SH3KBP1: variants seen among roughly 807,000 people sequenced by gnomAD.
The protein encoded by SH3KBP1 is SH3 domain-containing kinase-binding protein 1.
In SH3KBP1, 8 loss-of-function variants were observed where a neutral mutation model predicts 50.1. That is an observed-to-expected ratio of 0.16 (90% CI 0.09 to 0.29). The LOEUF (loss-of-function observed/expected upper bound fraction) is 0.29, where lower values mean the gene tolerates loss of function less well. SH3KBP1 is among the 10% of genes least tolerant of loss of function. The pLI is 1.00. For missense variants in SH3KBP1, 377 were observed against 535.2 expected (o/e 0.70, Z 2.92); for synonymous variants, 227 against 218.6 (o/e 1.04, Z -0.34).
chrX:19,708,805 T>G (rs763528692), intron 3 of SH3KBP1, among the ~76,000 whole-genome samples: 3 of 111,824 alleles, frequency 2.7e-5, no homozygotes, highest in Non-Finnish European at 5.6e-5. Flanking sequence ...AAGCAAACTC[T>G]GCAGACACAA....
chrX:19,543,137 A>T (rs2064980975), intron 15 of SH3KBP1, among the ~76,000 whole-genome samples: 1 of 111,492 alleles, frequency 9.0e-6, no homozygotes. Flanking sequence ...TGCTGGGGGC[A>T]GGAGTGGGCC....
intron 4 of SH3KBP1, among the ~76,000 whole-genome samples, chrX:19,696,503 G>A (rs1180491964): frequency 9.0e-6 from 1 of 111,558 alleles, no homozygotes; most frequent in African/African-American, 3.3e-5. Context: ...TAGGTAGGTA[G>A]GAAGGGCAGC....
chrX:19,794,030 T>C (rs753278719), intron 2 of SH3KBP1, among the ~76,000 whole-genome samples: 19 of 110,303 alleles, frequency 1.7e-4, no homozygotes, highest in Non-Finnish European at 3.6e-4. Context: ...GTGATGTCAA[T>C]GTTAATGCGA....
intron 1 of SH3KBP1, among the ~76,000 whole-genome samples, chrX:19,850,687 T>C (rs779988571): frequency 2.7e-5 from 3 of 111,298 alleles, no homozygotes; most frequent in Admixed American, 9.6e-5. Context: ...TCTGTAAGAA[T>C]TGCGTGCTGA....
intron 1 of SH3KBP1, among the ~76,000 whole-genome samples, chrX:19,847,386 C>A (rs1198668919): frequency 9.0e-6 from 1 of 111,443 alleles, no homozygotes. Flanking sequence ...TGCTTGGCCC[C>A]GTCAGGCACT....
chrX:19,878,646 C>T (rs2069338055), intron 1 of SH3KBP1, among the ~76,000 whole-genome samples: 1 of 110,581 alleles, frequency 9.0e-6, no homozygotes, highest in Non-Finnish European at 1.9e-5. Context: ...CTTGGGCTTC[C>T]AAGTGTTCTC....
intron 2 of SH3KBP1, among the ~76,000 whole-genome samples, chrX:19,825,070 A>G (rs2067636247): frequency 8.9e-6 from 1 of 112,300 alleles, no homozygotes; most frequent in Admixed American, 9.5e-5. Context: ...TTGGATAGTC[A>G]CACATCTTGA....
chrX:19,598,981 T>C lies in SH3KBP1; in HGVS notation c.1006-3981A>G, dbSNP rs781419625. Among the ~76,000 whole-genome samples the C allele has an allele frequency of 4.5e-5, 5 of 112,335 alleles. No individual in the cohort carries two copies. In the South Asian group the frequency reaches 1.8e-3, roughly 41 times the overall value. On this transcript the variant is annotated intron_variant, in intron 9 of 17. Transcript: ENST00000397821. ...CTCCACATAGGGTTACCACAACCAT[T>C]GAATTTGTAAAAAACGCAATATCTG...
chrX:19,880,195 C>T (rs1416297625), intron 1 of SH3KBP1, among the ~76,000 whole-genome samples: 1 of 113,156 alleles, frequency 8.8e-6, no homozygotes, highest in Non-Finnish European at 1.9e-5. Context: ...TCACCCTTCT[C>T]ACCCACTACA....
At chrX:19,848,546 C>A (rs2068421258) in intron 1 of SH3KBP1, among the ~76,000 whole-genome samples, 1 of 112,168 alleles carries the variant, frequency 8.9e-6, no homozygotes, top group African/African-American at 3.2e-5. Context: ...TGCTAGGGAG[C>A]CAACTCATTG....
At chrX:19,618,299 G>A (rs2067680416) in intron 8 of SH3KBP1, among the ~76,000 whole-genome samples, 3 of 103,559 alleles carry the variant, frequency 2.9e-5, no homozygotes, top group South Asian at 4.4e-4. Context: ...TAGGAGAATC[G>A]CTTGAACCCA....
chrX:19,876,379 A>G (rs765554879), intron 1 of SH3KBP1, among the ~76,000 whole-genome samples: 15 of 110,546 alleles, frequency 1.4e-4, no homozygotes, highest in Non-Finnish European at 2.3e-4. Flanking sequence ...AAACAAACAA[A>G]CAAAAAAAAC....
intron 13 of SH3KBP1, among the ~76,000 whole-genome samples, chrX:19,561,052 C>G (rs1367444052): frequency 1.3e-5 from 1 of 79,853 alleles, no homozygotes; most frequent in Non-Finnish European, 2.3e-5. Flanking sequence ...CCAGCCTGGG[C>G]AACAGAGCAA....
rs772255214 is a variant in SH3KBP1, at chrX:19,869,451, C to T, written c.4+17856G>A. Among the ~76,000 whole-genome samples, 5 of 111,969 alleles carry T rather than the reference C, an allele frequency of 4.5e-5. No homozygotes were observed. The South Asian group carries it at 1.9e-3, about 41-fold the overall frequency. ...TCCTTAACGAAGAGAAGCTACTCCC[C>T]GTCTACTTCCCTCTGCCATGGGCTG... On this transcript the variant is annotated intron_variant, in intron 1 of 17. Coordinates refer to ENST00000397821, the MANE Select transcript of SH3KBP1 (RefSeq NM_031892.3).
rs746138955 is a variant in SH3KBP1 at position 19,551,876 on chromosome X, C to A, written c.1385-1793G>T. On this transcript the variant is annotated intron_variant, in intron 13 of 17. Coordinates refer to ENST00000397821, the MANE Select transcript of SH3KBP1 (RefSeq NM_031892.3). ...AAAAGCCACCATCTGACATGAACAC[C>A]CCCCCAATTCATCTTTTTAAATCAC... 2.3e-3 allele frequency among the ~76,000 whole-genome samples: 247 copies of A among 108,648 alleles called. 1 individual carries two copies. The highest frequency in any genetic ancestry group is 8.3e-3 in the African/African-American group (235 of 28,324). 94.3% of individuals were successfully genotyped at this position (108,648 alleles called of 115,157 possible).
intron 17 of SH3KBP1, 139 bp from the exon 18 acceptor site, chrX:19,536,597 ACAAT>A (rs1303033546): frequency 1.1e-5 from 4 of 380,292 alleles, no homozygotes; most frequent in Non-Finnish European, 1.9e-5. Context: ...ATCTGAATAG[ACAAT>A]CAACAGCAAT....
intron 3 of SH3KBP1, among the ~76,000 whole-genome samples, chrX:19,722,531 G>GGTGTGT (rs59121045): frequency 6.4e-4 from 65 of 101,045 alleles, no homozygotes; most frequent in Middle Eastern, 5.0e-3. Flanking sequence ...CAGCTGCACT[G>GGTGTGT]GTGTGTGTGT....
chrX:19,868,608 T>C (rs1362928891), intron 1 of SH3KBP1, among the ~76,000 whole-genome samples: 1 of 104,715 alleles, frequency 9.5e-6, no homozygotes, highest in African/African-American at 3.5e-5. Context: ...GCTTCTCAAC[T>C]AACCACAGGG....
At chrX:19,601,091 A>G (rs1444089745) in intron 9 of SH3KBP1, among the ~76,000 whole-genome samples, 1 of 111,873 alleles carries the variant, frequency 8.9e-6, no homozygotes, top group Non-Finnish European at 1.9e-5. Context: ...AATGCCTTCC[A>G]TAGTCTTCAT....
Sources: gnomAD v4.1 joint callset for allele counts (sites outside exome capture counted in the v4.1 genomes callset) on GRCh38, gnomAD v4.1.1 for gene constraint, MANE v1.5 for transcripts, NCBI Gene and HGNC (gene_info 2026-07-23, HGNC 2026-07-21) for gene names.